The following MYO5B variants were observed in gnomAD, a reference collection of about 807,000 sequenced individuals.
The protein encoded by MYO5B is myosin VB, also known as unconventional myosin-Vb.
MYO5B carries 143 observed loss-of-function variants against 229.3 expected under a neutral mutation model. That is an observed-to-expected ratio of 0.62 (90% CI 0.54 to 0.72). The LOEUF (loss-of-function observed/expected upper bound fraction) is 0.72, where lower values mean the gene tolerates loss of function less well. Among genes scored for constraint, MYO5B ranks in the 30% least tolerant of loss-of-function variants. MYO5B has a pLI of 0.00. For missense variants in MYO5B, 2,321 were observed against 2,331.0 expected (o/e 1.00, Z 0.09); for synonymous variants, 918 against 885.2 (o/e 1.04, Z -0.66).
At chr18:50,177,281 C>G (rs753554659) in intron 1 of MYO5B, among the ~76,000 whole-genome samples, 1 of 152,146 alleles carries the variant, frequency 6.6e-6, no homozygotes, top group Non-Finnish European at 1.5e-5. Context: ...TAGACGCCTC[C>G]ATACTTTGAA....
At chr18:50,035,476 C>A (rs1158532617) in intron 4 of MYO5B, among the ~76,000 whole-genome samples, 1 of 152,172 alleles carries the variant, frequency 6.6e-6, no homozygotes. Context: ...TTGATTCTTC[C>A]AAAGCACAGA....
At chr18:49,865,117 A>G (rs1034228362) in intron 27 of MYO5B, among the ~76,000 whole-genome samples, 9 of 152,206 alleles carry the variant, frequency 5.9e-5, no homozygotes, top group African/African-American at 2.2e-4. Context: ...TCCCAAAGGA[A>G]ACCCAAAGAT....
chr18:49,946,071 G>T (rs2025369293), intron 14 of MYO5B, among the ~76,000 whole-genome samples: 1 of 151,812 alleles, frequency 6.6e-6, no homozygotes, highest in African/African-American at 2.4e-5. Flanking sequence ...TTGGGTAGTG[G>T]GGAGGGGGTT....
At chr18:50,056,855 T>G (rs1156933352) in intron 1 of MYO5B, among the ~76,000 whole-genome samples, 2 of 151,952 alleles carry the variant, frequency 1.3e-5, no homozygotes, top group African/African-American at 4.8e-5. Flanking sequence ...AGAATACCAG[T>G]CAATGAGAAA....
intron 5 of MYO5B, among the ~76,000 whole-genome samples, chr18:49,995,589 T>C (rs1378890153): frequency 6.6e-6 from 1 of 152,162 alleles, no homozygotes; most frequent in Admixed American, 6.6e-5. Flanking sequence ...CAGAAGATGC[T>C]AGAAAACCAA....
At chr18:50,183,020 A>G (rs1445867443) in intron 1 of MYO5B, among the ~76,000 whole-genome samples, 1 of 152,104 alleles carries the variant, frequency 6.6e-6, no homozygotes, top group African/African-American at 2.4e-5. Flanking sequence ...ACCCAAAACA[A>G]AGAGTAATGA....
chr18:50,176,606 G>A (rs995193947), intron 1 of MYO5B, among the ~76,000 whole-genome samples: 1 of 152,030 alleles, frequency 6.6e-6, no homozygotes, highest in African/African-American at 2.4e-5. Context: ...TCAAAGTTTG[G>A]TCCCTGACCA....
chr18:50,048,858 A>G (rs1031459221), intron 2 of MYO5B, among the ~76,000 whole-genome samples: 2 of 152,102 alleles, frequency 1.3e-5, no homozygotes, highest in Non-Finnish European at 2.9e-5. Context: ...CTCCGTCTCT[A>G]CTTAAAATAC....
At chr18:49,998,471 C>T (rs1341136045) in intron 5 of MYO5B, among the ~76,000 whole-genome samples, 3 of 152,164 alleles carry the variant, frequency 2.0e-5, no homozygotes, top group African/African-American at 7.2e-5. Flanking sequence ...AAGCACCCTG[C>T]GTTCCCACAG....
intron 17 of MYO5B, among the ~76,000 whole-genome samples, chr18:49,929,184 T>C (rs1196190416): frequency 1.3e-5 from 2 of 152,054 alleles, no homozygotes; most frequent in Non-Finnish European, 2.9e-5. Context: ...GGTGGGGGAA[T>C]GGTAAAGGGG....
intron 1 of MYO5B, among the ~76,000 whole-genome samples, chr18:50,074,853 C>G (rs1228866720): frequency 6.6e-6 from 1 of 152,124 alleles, no homozygotes; most frequent in East Asian, 1.9e-4. Context: ...TGGAGTCTCA[C>G]TCTGTCGCCC....
At chr18:49,899,755 C>A (rs531044649) in intron 21 of MYO5B, among the ~76,000 whole-genome samples, 67 of 152,288 alleles carry the variant, frequency 4.4e-4, no homozygotes, top group African/African-American at 1.6e-3. Context: ...AAGAGCACAG[C>A]GTGCCTAGTC....
chr18:49,877,947 G>C, intron 24 of MYO5B, 65 bp from the exon 25 acceptor site: 2 of 1,596,162 alleles, frequency 1.3e-6, no homozygotes, highest in Non-Finnish European at 1.7e-6. Context: ...TACCTCCCAT[G>C]GTGGCAGGCC....
chr18:49,839,198 G>C lies in MYO5B; in HGVS notation c.4798C>G (p.Gln1600Glu). 1 of 1,614,196 alleles carries C rather than the reference G, an allele frequency of 6.2e-7. No individual in the cohort carries two copies. The highest frequency in any genetic ancestry group is 8.5e-7 in the Non-Finnish European group (1 of 1,180,038). ...YRQVLSDLSI[Q>E]IYQQLIKIAE... ...ATTTTAATGAGCTGCTGGTAGATCT[G>C]AATGGAAAGGTCACTCAGCACCTGA... Residue 1600 changes from glutamine (Q) to glutamate (E), a missense_variant, in exon 36 of 40, where the codon CAG becomes GAG. Around this residue, in one of 2 missense-constraint regions of MYO5B, gnomAD observed 2,113 missense variants for 2,044.7 expected, o/e 1.03. Coordinates refer to ENST00000285039, the MANE Select transcript of MYO5B (RefSeq NM_001080467.3).
At chr18:49,855,537 C>A (rs1294862998) in intron 30 of MYO5B, among the ~76,000 whole-genome samples, 1 of 152,196 alleles carries the variant, frequency 6.6e-6, no homozygotes, top group Non-Finnish European at 1.5e-5. Flanking sequence ...GGACAGAAAT[C>A]TGATCTTATT....
In MYO5B at chr18:50,044,912, G is replaced by A. The variant is rs77399977; in HGVS notation, c.139-4598C>T. Reference sequence around the variant, plus strand: ...CAAGTAGGAGGGGGGAAAAAGGAGGGAGAGGGAGGGTAGGCAGTGAGACAC... The same window carrying A: ...CAAGTAGGAGGGGGGAAAAAGGAGGAAGAGGGAGGGTAGGCAGTGAGACAC... On this transcript the variant is annotated intron_variant, in intron 2 of 39. Transcript: ENST00000285039. 3.9e-5 allele frequency among the ~76,000 whole-genome samples: 6 copies of A among 152,174 alleles called. No individual in the cohort carries two copies. The East Asian group carries it at 9.7e-4, about 25-fold the overall frequency.
intron 22 of MYO5B, among the ~76,000 whole-genome samples, chr18:49,893,271 G>T (rs1396906310): frequency 2.0e-5 from 3 of 152,194 alleles, no homozygotes; most frequent in Non-Finnish European, 4.4e-5. Context: ...TCATCTGACT[G>T]GGACACACAT....
chr18:50,177,686 C>T (rs368789820), intron 1 of MYO5B, among the ~76,000 whole-genome samples: 2 of 152,326 alleles, frequency 1.3e-5, no homozygotes, highest in East Asian at 3.9e-4. Context: ...AGGCTGAAAG[C>T]CCCCAAATGA....
chr18:50,134,011 T>C (rs1416926183), intron 1 of MYO5B, among the ~76,000 whole-genome samples: 2 of 151,730 alleles, frequency 1.3e-5, no homozygotes, highest in Non-Finnish European at 2.9e-5. Flanking sequence ...AAGATGGGAG[T>C]GAGACAGATA....
Sources: allele counts gnomAD v4.1 joint callset (sites outside exome capture counted in the v4.1 genomes callset), GRCh38; gene constraint gnomAD v4.1.1; regional missense constraint gnomAD v4.1.1; transcripts MANE v1.5; gene names NCBI Gene and HGNC (gene_info 2026-07-23, HGNC 2026-07-21).